APP: variants seen among roughly 807,000 people sequenced by gnomAD.
The protein encoded by APP is amyloid beta precursor protein.
A neutral mutation model predicts 101.4 loss-of-function variants in APP; 31 were observed. The ratio of observed to expected loss-of-function variants is 0.31; its 90% CI spans 0.23 to 0.41. The LOEUF (loss-of-function observed/expected upper bound fraction) is 0.41. Ranked by LOEUF, APP falls within the 10% of genes least tolerant of loss-of-function variation. The pLI, the probability that APP is intolerant of heterozygous loss-of-function variation, is 1.00. For synonymous variants in APP, 366 were observed against 364.4 expected (o/e 1.00, Z -0.05); for missense variants, 839 against 1,003.7 (o/e 0.84, Z 2.22).
intron 15 of APP, among the ~76,000 whole-genome samples, chr21:25,903,748 T>C (rs370546154): frequency 1.3e-5 from 2 of 152,192 alleles, no homozygotes; most frequent in African/African-American, 4.8e-5. Context: ...AGGAGGACAT[T>C]AGAAGAACTG....
intron 5 of APP, among the ~76,000 whole-genome samples, chr21:26,045,944 G>A (rs1601314224): frequency 6.6e-6 from 1 of 152,118 alleles, no homozygotes; most frequent in Non-Finnish European, 1.5e-5. Flanking sequence ...TCACAATCAC[G>A]GTGGAAGGCA....
In APP at chr21:26,089,929, G is replaced by C; in HGVS notation, c.355+14C>G. The stretch of plus-strand genomic sequence containing the variant: ...GCCCCCAATCAACACCAGCCCCACG[G>C]CCGGCCGGCTCACCTAAGCAGCGGT... On this transcript the variant is annotated intron_variant, in intron 3 of 17. Coordinates refer to ENST00000346798, the MANE Select transcript of APP (RefSeq NM_000484.4). 6.2e-7 allele frequency: 1 copy of C among 1,613,764 alleles called. No individual in the cohort carries two copies. Among genetic ancestry groups the C allele is most frequent in the Non-Finnish European group, 8.5e-7 (1 of 1,179,802 alleles).
intron 11 of APP, among the ~76,000 whole-genome samples, chr21:25,965,651 A>C (rs1394431671): frequency 6.6e-6 from 1 of 152,190 alleles, no homozygotes. Flanking sequence ...TCACAAAATG[A>C]ATGAACCCCT....
intron 1 of APP, among the ~76,000 whole-genome samples, chr21:26,150,429 G>A (rs995601212): frequency 3.3e-5 from 5 of 152,114 alleles, no homozygotes; most frequent in African/African-American, 1.2e-4. Flanking sequence ...GCTATTTCTC[G>A]ATTGTCTTCA....
intron 3 of APP, among the ~76,000 whole-genome samples, chr21:26,054,309 T>C (rs942059664): frequency 1.3e-5 from 2 of 152,214 alleles, no homozygotes; most frequent in African/African-American, 4.8e-5. Flanking sequence ...GGATAGACTC[T>C]GTCTTGCTTG....
At chr21:26,013,415 A>ATT (rs796078575) in intron 6 of APP, among the ~76,000 whole-genome samples, 7 of 146,890 alleles carry the variant, frequency 4.8e-5, no homozygotes, top group African/African-American at 1.7e-4. Context: ...TTGAGGTTTG[A>ATT]TTTTTTTTTT....
At chr21:26,126,213 T>C (rs1363665880) in intron 1 of APP, among the ~76,000 whole-genome samples, 1 of 152,244 alleles carries the variant, frequency 6.6e-6, no homozygotes, top group African/African-American at 2.4e-5. Flanking sequence ...GATTCTGGCT[T>C]CTGACTTTAC....
At chr21:25,931,145 G>A (rs1444452923) in intron 13 of APP, among the ~76,000 whole-genome samples, 1 of 152,144 alleles carries the variant, frequency 6.6e-6, no homozygotes, top group East Asian at 1.9e-4. Context: ...GAAAAGATGG[G>A]CATAAAAATA....
intron 5 of APP, among the ~76,000 whole-genome samples, chr21:26,031,728 G>C (rs1035912484): frequency 2.0e-5 from 3 of 152,146 alleles, no homozygotes; most frequent in Non-Finnish European, 4.4e-5. Flanking sequence ...CAACATGTGG[G>C]AATTCTGGGA....
rs1245682147 is a variant in APP, at chr21:26,136,197, G to GA, written c.58-24052dup. ...AGAAAGAAAGAAAGAAAGAAAGAAA[G>GA]AAAGAAAAGAAAAGAAAGAAAAGAA... On this transcript the variant is annotated intron_variant, in intron 1 of 17. Coordinates refer to ENST00000346798, the MANE Select transcript of APP (RefSeq NM_000484.4). Among the ~76,000 whole-genome samples the GA allele has an allele frequency of 1.8e-4, 22 of 124,256 alleles. 2 individuals are homozygous for GA. The highest frequency in any genetic ancestry group is 5.0e-4 in the African/African-American group (17 of 34,008). 81.5% of individuals were successfully genotyped at this position (124,256 alleles called of 152,430 possible). A position where few individuals can be genotyped will look rare whatever the true frequency, so the allele number is the denominator to read the frequency against.
rs376664060 is a variant in APP, at chr21:26,053,382, A to G, written c.356-34T>C. 50 of 1,405,132 alleles carry G rather than the reference A, an allele frequency of 3.6e-5. No individual in the cohort carries two copies. The African/African-American group carries it at 5.9e-4, about 17-fold the overall frequency. 87.0% of individuals were successfully genotyped at this position (1,405,132 alleles called of 1,614,324 possible). On this transcript the variant is annotated intron_variant, in intron 3 of 17. Transcript: ENST00000346798. Reference sequence around the variant, plus strand: ...AAGGAAAACCACTTCCCGTCATTCCATCTGTATCACAGTGTTCTTACCGCA... The same window carrying G: ...AAGGAAAACCACTTCCCGTCATTCCGTCTGTATCACAGTGTTCTTACCGCA...
chr21:26,030,082 C>T (rs2044753814), intron 5 of APP, among the ~76,000 whole-genome samples: 1 of 152,174 alleles, frequency 6.6e-6, no homozygotes, highest in Admixed American at 6.5e-5. Context: ...TATCTCAGTA[C>T]ACACTTAGGG....
chr21:26,002,433 C>G (rs1018047046), intron 6 of APP, among the ~76,000 whole-genome samples: 4 of 152,288 alleles, frequency 2.6e-5, no homozygotes, highest in Non-Finnish European at 5.9e-5. Flanking sequence ...CCAGAGCTTA[C>G]CTTCAGTTGT....
chr21:26,155,537 G>A (rs2146357484), intron 1 of APP, among the ~76,000 whole-genome samples: 1 of 152,246 alleles, frequency 6.6e-6, no homozygotes, highest in East Asian at 1.9e-4. Context: ...ATGACGCCCA[G>A]AGGAATTCAC....
chr21:25,989,489 AAAG>A (rs1259452871), intron 8 of APP, among the ~76,000 whole-genome samples: 9 of 152,204 alleles, frequency 5.9e-5, no homozygotes, highest in Non-Finnish European at 1.0e-4. Context: ...TCAGGACACA[AAAG>A]AAGAAATGAC....
At chr21:26,132,529 A>G (rs1459655313) in intron 1 of APP, among the ~76,000 whole-genome samples, 1 of 152,168 alleles carries the variant, frequency 6.6e-6, no homozygotes, top group East Asian at 1.9e-4. Context: ...CCTTTAAAAA[A>G]AAGTTTCTCT....
At chr21:26,150,499 C>T (rs922599735) in intron 1 of APP, among the ~76,000 whole-genome samples, 1 of 152,194 alleles carries the variant, frequency 6.6e-6, no homozygotes, top group African/African-American at 2.4e-5. Flanking sequence ...TGATCCCCTT[C>T]ATACCCTTCC....
At chr21:26,011,580 T>C (rs576287200) in intron 6 of APP, among the ~76,000 whole-genome samples, 105 of 152,160 alleles carry the variant, frequency 6.9e-4, no homozygotes, top group African/African-American at 2.4e-3. Context: ...GCAACAATTA[T>C]CTGGCCCAAA....
At chr21:25,903,524 T>C (rs1238286779) in intron 15 of APP, among the ~76,000 whole-genome samples, 1 of 152,136 alleles carries the variant, frequency 6.6e-6, no homozygotes, top group African/African-American at 2.4e-5. Flanking sequence ...GAATGAGCGC[T>C]TTCTAAGTTA....
Sources: allele counts gnomAD v4.1 joint callset (sites outside exome capture counted in the v4.1 genomes callset), GRCh38; gene constraint gnomAD v4.1.1; transcripts MANE v1.5; gene names NCBI Gene and HGNC (gene_info 2026-07-23, HGNC 2026-07-21).